Variants in PMM2 observed in about 807,000 individuals in gnomAD.
PMM2 encodes the protein mannose-6-phosphate isomerase.
PMM2 carries 35 observed loss-of-function variants against 33.2 expected under a neutral mutation model. That is an observed-to-expected ratio of 1.06 (90% confidence interval 0.81 to 1.40). PMM2 has a LOEUF of 1.40. Among genes scored for constraint, PMM2 ranks in the 40% most tolerant of loss-of-function variants. The pLI, the probability that PMM2 is intolerant of heterozygous loss-of-function variation, is 0.00. For missense variants in PMM2, 386 were observed against 306.0 expected, an observed-to-expected ratio of 1.26 and a Z score of -1.95; for synonymous variants, 153 against 114.7, an observed-to-expected ratio of 1.33 and a Z score of -2.13.
intron 7 of PMM2, among the ~76,000 whole-genome samples, chr16:8,838,659 G>A (rs1010561017): frequency 6.6e-6 from 1 of 151,898 alleles, no homozygotes; most frequent in Non-Finnish European, 1.5e-5. Context: ...ATACAGTTTT[G>A]GATGAATTGA....
chr16:8,801,095 G>T (rs968242702), intron 1 of PMM2, among the ~76,000 whole-genome samples: 3 of 152,198 alleles, frequency 2.0e-5, no homozygotes, highest in African/African-American at 7.2e-5. Flanking sequence ...GATCTGTGTT[G>T]GCATGAAAAG....
intron 1 of PMM2, among the ~76,000 whole-genome samples, chr16:8,799,202 A>C (rs981656029): frequency 4.6e-5 from 7 of 152,180 alleles, no homozygotes; most frequent in Admixed American, 3.3e-4. Flanking sequence ...ATAAAATTTT[A>C]TTTATTTATT....
chr16:8,840,793 C>T (rs1361544908), intron 7 of PMM2, among the ~76,000 whole-genome samples: 1 of 151,820 alleles, frequency 6.6e-6, no homozygotes, highest in African/African-American at 2.4e-5. Flanking sequence ...GGGTCCGGTC[C>T]ATCGAGGTTG....
intron 7 of PMM2, chr16:8,832,008 T>G: frequency 5.9e-6 from 2 of 340,168 alleles, no homozygotes; most frequent in Non-Finnish European, 8.3e-6. Flanking sequence ...AAGTAACCTT[T>G]AGTGCATATG....
intron 1 of PMM2, among the ~76,000 whole-genome samples, chr16:8,799,168 A>G (rs2060596823): frequency 6.6e-6 from 1 of 152,230 alleles, no homozygotes; most frequent in Non-Finnish European, 1.5e-5. Flanking sequence ...TAAACCCTAT[A>G]TAAATAAGAG....
intron 7 of PMM2, among the ~76,000 whole-genome samples, chr16:8,817,495 T>C (rs1293440631): frequency 1.3e-5 from 2 of 152,232 alleles, no homozygotes; most frequent in Non-Finnish European, 2.9e-5. Flanking sequence ...TAAATAGCCA[T>C]TTAGAAGCCT....
intron 7 of PMM2, chr16:8,832,704 AGT>A: frequency 1.0e-6 from 1 of 985,398 alleles, no homozygotes; most frequent in Non-Finnish European, 1.2e-6. Context: ...CCTGTTGTAA[AGT>A]AATCTGATCA....
chr16:8,829,648 G>T (rs958725936), intron 7 of PMM2, among the ~76,000 whole-genome samples: 2 of 152,110 alleles, frequency 1.3e-5, no homozygotes, highest in Non-Finnish European at 2.9e-5. Context: ...CCTTCCACCG[G>T]GAATTCAAAG....
intron 7 of PMM2, among the ~76,000 whole-genome samples, chr16:8,838,852 C>A (rs556116654): frequency 3.1e-4 from 47 of 152,014 alleles, no homozygotes; most frequent in African/African-American, 1.1e-3. Context: ...TGTCATACAT[C>A]AGGCCAGATT....
At position 8,811,696 on chromosome 16, in the gene PMM2, G is replaced by T. The variant is rs2060678848; in HGVS notation, c.506G>T (p.Gly169Val). The part of the protein sequence containing the change: ...ADLRKEFAGK[G>V]LTFSIGGQIS... ...CTACGGAAAGAGTTTGCTGGAAAAG[G>T]CCTCACGTTTTCCATAGGTATTGTA... is the stretch of plus-strand genomic sequence containing the variant. The change falls in exon 6 of 8, where the codon GGC (glycine) becomes GTC (valine). Residue 169 changes from glycine (G) to valine (V), a missense_variant. Coordinates refer to ENST00000268261, the MANE Select transcript of PMM2 (RefSeq NM_000303.3). 1 of 1,611,910 alleles carries T rather than the reference G, an allele frequency of 6.2e-7. No individual in the cohort carries two copies. Among genetic ancestry groups the T allele is most frequent in the South Asian group, 1.1e-5 (1 of 91,038 alleles).
rs1259406376 is a variant in PMM2 at position 8,848,732 on chromosome 16, C to A, written c.*907C>A. ...TCCTGGAGGCGTTCGCCTCTAGTTT[C>A]TCAGGGATGGAGCGAGAGCCCAGCC... On this transcript the variant is annotated 3_prime_UTR_variant, in exon 8 of 8. Coordinates refer to ENST00000268261, the MANE Select transcript of PMM2 (RefSeq NM_000303.3). 1 of 152,260 alleles carries A rather than the reference C, an allele frequency of 6.6e-6. No homozygotes were observed. Among genetic ancestry groups the A allele is most frequent in the African/African-American group, 2.4e-5 (1 of 41,468 alleles). The allele number at this position is 152,260 out of a possible 1,614,324, so 9.4% of individuals were successfully genotyped here.
rs567028061 is a variant in PMM2 at position 8,798,032 on chromosome 16, C to T, written c.66+84C>T. On this transcript the variant is annotated intron_variant, in intron 1 of 7. Transcript: ENST00000268261. ...GGGGCTATCGACCACCCAGGGTAGG[C>T]GCCAAGGGGTGGCTAAGGACCGCCT... The T allele has an allele frequency of 4.4e-6, 6 of 1,376,780 alleles. No homozygotes were observed. In the African/African-American group the frequency reaches 7.1e-5, roughly 16 times the overall value. 85.3% of individuals were successfully genotyped at this position (1,376,780 alleles called of 1,614,324 possible).
chr16:8,836,154 A>T lies in PMM2; in HGVS notation c.640-11570A>T, dbSNP rs1344884685. ...GGAAACAGGCCCTTGAAAAGAAGGT[A>T]ATGTGGAGTGGGTAGCCTCCGTATT... On this transcript the variant is annotated intron_variant, in intron 7 of 7. Coordinates refer to ENST00000268261, the MANE Select transcript of PMM2 (RefSeq NM_000303.3). Among the ~76,000 whole-genome samples the T allele has an allele frequency of 2.9e-5, 4 of 140,312 alleles. No individual in the cohort carries two copies. The South Asian group carries it at 7.1e-4, about 25-fold the overall frequency. The allele number at this position is 140,312 out of a possible 152,430, so 92.1% of individuals were successfully genotyped here. A position where few individuals can be genotyped will look rare whatever the true frequency, so the allele number is the denominator to read the frequency against.
chr16:8,832,606 G>A, intron 7 of PMM2: 4 of 985,412 alleles, frequency 4.1e-6, no homozygotes, highest in Non-Finnish European at 4.8e-6. Flanking sequence ...AATGGCCTCT[G>A]TCCTCTTTGC....
At chr16:8,798,056 C>T (rs922118598) in intron 1 of PMM2, 108 bp downstream of exon 1, 4 of 1,054,002 alleles carry the variant, frequency 3.8e-6, no homozygotes, top group African/African-American at 1.6e-5. Flanking sequence ...TAAGGACCGC[C>T]TACGTCCTCA....
intron 2 of PMM2, 52 bp from the exon 3 acceptor site, chr16:8,804,715 A>G (rs1205780549): frequency 1.6e-6 from 2 of 1,284,332 alleles, no homozygotes; most frequent in Non-Finnish European, 2.3e-6. Context: ...AGGAGTAAAA[A>G]CACAGGTTTT....
In PMM2 at chr16:8,804,782, A is replaced by AT. The variant is rs756848112; in HGVS notation, c.196dup (p.Tyr66LeufsTer19). 1 of 1,612,990 alleles carries AT rather than the reference A, an allele frequency of 6.2e-7. No homozygotes were observed. The highest frequency in any genetic ancestry group is 1.7e-5 in the Admixed American group (1 of 60,014). On this transcript the variant is annotated frameshift_variant, in exon 3 of 8. Coordinates refer to ENST00000268261, the MANE Select transcript of PMM2 (RefSeq NM_000303.3). LOFTEE classifies it high-confidence loss of function. ...TTGATTGTAGTGGTTGAAAAATACG[A>AT]TTATGTGTTTCCAGAAAATGGCTTG... is the stretch of plus-strand genomic sequence containing the variant.
At chr16:8,841,293 G>C in intron 7 of PMM2, among the ~76,000 whole-genome samples, 1 of 151,176 alleles carries the variant, frequency 6.6e-6, no homozygotes, top group Admixed American at 6.6e-5. Flanking sequence ...CTAAACTGAG[G>C]AATTATGTCT....
rs62031146 is a variant in PMM2 at position 8,806,384 on chromosome 16, G to A, written c.324G>A (p.Ala108=). Residue 108 remains alanine (A), a synonymous_variant, in exon 4 of 8, where the codon GCG becomes GCA. Transcript: ENST00000268261. ...TCAACTACTGTCTGAGCTACATTGC[G>A]AAAATTAAACTCCCGAAGAAGAGGT... ...DLINYCLSYI[A]KIKLPKKRGT... is the part of the protein sequence containing the mutation. 0.016 allele frequency: 26,208 copies of A among 1,612,270 alleles called. 325 individuals carry two copies. The highest frequency in any genetic ancestry group is 0.034 in the South Asian group (3,075 of 91,032).
Sources: allele counts gnomAD v4.1 joint callset (sites outside exome capture counted in the v4.1 genomes callset), GRCh38; gene constraint gnomAD v4.1.1; transcripts MANE v1.5; gene names NCBI Gene and HGNC (gene_info 2026-07-23, HGNC 2026-07-21).